SERPINA3: variants seen among roughly 807,000 people sequenced by gnomAD.
SERPINA3 encodes serpin family A member 3.
SERPINA3 carries 32 observed loss-of-function variants against 26.8 expected under a neutral mutation model. The ratio of observed to expected loss-of-function variants is 1.20; its 90% CI spans 0.90 to 1.61. SERPINA3 has a LOEUF of 1.61. Ranked by LOEUF, SERPINA3 falls within the 40% of genes most tolerant of loss-of-function variation. The pLI is 0.00. For missense variants in SERPINA3, 632 were observed against 517.9 expected (o/e 1.22, Z -2.14); for synonymous variants, 252 against 206.4 (o/e 1.22, Z -1.89).
Position 94,619,426 on chromosome 14 carries a change from T to G in SERPINA3, c.875T>G (p.Leu292Arg). The change falls in exon 3 of 5, where the codon CTC becomes CGC. Residue 292 changes from leucine (L) to arginine (R), a missense_variant. Physicochemically the swap from Leu to Arg is moderately radical, Grantham distance 102 (BLOSUM62 -2). Coordinates refer to ENST00000393078, the MANE Select transcript of SERPINA3 (RefSeq NM_001085.5). ...DKMEEVEAML[L>R]PETLKRWRDS... ...ATGGAGGAAGTGGAAGCCATGCTGC[T>G]CCCAGAGACCCTGAAGCGGTGGAGA... 1.2e-6 allele frequency: 2 copies of G among 1,614,116 alleles called. No homozygotes were observed. Among genetic ancestry groups the G allele is most frequent in the Non-Finnish European group, 1.7e-6 (2 of 1,180,026 alleles).
rs1246014674 is a variant in SERPINA3 at position 94,615,075 on chromosome 14, T to G, written c.634T>G (p.Phe212Val). The change falls in exon 2 of 5, where the codon TTC (phenylalanine) becomes GTC (valine). Residue 212 changes from phenylalanine to valine, a missense_variant. Phe to Val is a conservative substitution (Grantham distance 50). Transcript: ENST00000393078. ...QTMMVLVNYIFFKAKWEMPFD... is the reference protein window; with the variant it reads ...QTMMVLVNYIVFKAKWEMPFD... ...AATGATGGTCCTGGTGAATTACATC[T>G]TCTTTAAAGGTGAGTGTGCCTGGCT... The G allele has an allele frequency of 1.9e-6, 3 of 1,613,888 alleles. No individual in the cohort carries two copies. The highest frequency in any genetic ancestry group is 2.5e-6 in the Non-Finnish European group (3 of 1,180,044).
In SERPINA3 at chr14:94,622,490, A is replaced by G. The variant is rs527354355; in HGVS notation, c.1067A>G (p.Gln356Arg). Reference sequence around the variant, plus strand: ...GGGGCCAGGAACCTAGCAGTCTCCCAGGTGAGTCTTTAGACTTGGGTCAAT... The same window carrying G: ...GGGGCCAGGAACCTAGCAGTCTCCCGGGTGAGTCTTTAGACTTGGGTCAAT... ...ITGARNLAVS[Q>R]VVHKAVLDVF... is the part of the protein sequence containing the mutation. Residue 356 changes from glutamine (Q) to arginine (R), a missense_variant and splice_region_variant, in exon 4 of 5, where the codon CAG (glutamine) becomes CGG (arginine). Physicochemically the swap from Gln to Arg is conservative, Grantham distance 43. Coordinates refer to ENST00000393078, the MANE Select transcript of SERPINA3 (RefSeq NM_001085.5). The G allele has an allele frequency of 6.2e-6, 10 of 1,614,082 alleles. No homozygotes were observed. Among genetic ancestry groups the G allele is most frequent in the South Asian group, 1.1e-5 (1 of 91,062 alleles).
At position 94,619,250 on chromosome 14, in the gene SERPINA3, G is replaced by C. The variant is rs370200741; in HGVS notation, c.699G>C (p.Leu233Phe). 146 of 1,613,656 alleles carry C rather than the reference G, an allele frequency of 9.0e-5. No homozygotes were observed. Among genetic ancestry groups the C allele is most frequent in the Non-Finnish European group, 1.2e-4 (141 of 1,179,732 alleles). ...PQDTHQSRFY[L>F]SKKKWVMVPM... is the part of the protein sequence containing the mutation. Reference sequence around the variant, plus strand: ...ATACTCATCAGTCAAGGTTCTACTTGAGCAAGAAAAAGTGGGTAATGGTGC... The same window carrying C: ...ATACTCATCAGTCAAGGTTCTACTTCAGCAAGAAAAAGTGGGTAATGGTGC... The change falls in exon 3 of 5, where the codon TTG becomes TTC. Residue 233 changes from leucine (L) to phenylalanine (F), a missense_variant. By Grantham distance (22) the Leu-to-Phe change is conservative. Transcript: ENST00000393078.
At position 94,622,326 on chromosome 14, in the gene SERPINA3, T is replaced by G. The variant is rs1348606738; in HGVS notation, c.918-15T>G. ...TCAGCAGAGGTTCAGATACTTTTTTTTTCTCGTTTTCTAGAGAGATAGGTG... is the reference window on the plus strand; with the variant it reads ...TCAGCAGAGGTTCAGATACTTTTTTGTTCTCGTTTTCTAGAGAGATAGGTG... On this transcript the variant is annotated splice_polypyrimidine_tract_variant and intron_variant, in intron 3 of 4. Coordinates refer to ENST00000393078, the MANE Select transcript of SERPINA3 (RefSeq NM_001085.5). The G allele has an allele frequency of 6.2e-7, 1 of 1,613,990 alleles. No individual in the cohort carries two copies. Among genetic ancestry groups the G allele is most frequent in the East Asian group, 2.2e-5 (1 of 44,870 alleles).
intron 1 of SERPINA3, among the ~76,000 whole-genome samples, chr14:94,613,148 T>G (rs1185258421): frequency 6.6e-6 from 1 of 151,948 alleles, no homozygotes; most frequent in Non-Finnish European, 1.5e-5. Context: ...CAAAGGCATT[T>G]CCACTGGCCT....
At chr14:94,612,566 C>G (rs945204494) in intron 1 of SERPINA3, 119 bp downstream of exon 1, 4 of 521,070 alleles carry the variant, frequency 7.7e-6, no homozygotes, top group Non-Finnish European at 1.0e-5. Flanking sequence ...AGGAGGTGTA[C>G]TCAGGTGTTA....
At chr14:94,622,647 C>T in intron 4 of SERPINA3, 156 bp downstream of exon 4, 3 of 805,568 alleles carry the variant, frequency 3.7e-6, no homozygotes, top group Non-Finnish European at 4.2e-6. Flanking sequence ...CCAAGAAGAG[C>T]TAGGTTACAG....
At chr14:94,623,491 AC>A (rs966230390) in intron 4 of SERPINA3, 119 bp from the exon 5 acceptor site, 2 of 916,522 alleles carry the variant, frequency 2.2e-6, no homozygotes, top group Non-Finnish European at 3.5e-6. Context: ...ATTCAACAGC[AC>A]AAAGACAGGC....
At chr14:94,622,885 G>A in intron 4 of SERPINA3, 1 of 313,844 alleles carries the variant, frequency 3.2e-6, no homozygotes, top group South Asian at 3.2e-5. Flanking sequence ...TAATAACAAT[G>A]ATTATCTGGC....
chr14:94,620,836 G>A (rs1886174499), intron 3 of SERPINA3, among the ~76,000 whole-genome samples: 1 of 152,176 alleles, frequency 6.6e-6, no homozygotes, highest in Non-Finnish European at 1.5e-5. Context: ...TGGGCCCAGG[G>A]AGTGCATGTG....
At chr14:94,618,949 C>G (rs942766396) in intron 2 of SERPINA3, 1 of 586,318 alleles carries the variant, frequency 1.7e-6, no homozygotes, top group Non-Finnish European at 3.0e-6. Context: ...TCCTTATTCC[C>G]TGGTTCCTAT....
In SERPINA3 at chr14:94,614,724, A is replaced by C. The variant is rs766992484; in HGVS notation, c.283A>C (p.Thr95Pro). Residue 95 changes from threonine (T) to proline (P), a missense_variant, in exon 2 of 5, where the codon ACC becomes CCC. By Grantham distance (38) the Thr-to-Pro change is conservative. Coordinates refer to ENST00000393078, the MANE Select transcript of SERPINA3 (RefSeq NM_001085.5). ...AFLSLGAHNT[T>P]LTEILKGLKF... ...CCTGTCTCTGGGGGCCCATAATACC[A>C]CCCTGACAGAGATTCTCAAAGGCCT... is the stretch of plus-strand genomic sequence containing the variant. 18 of 1,613,678 alleles carry C rather than the reference A, an allele frequency of 1.1e-5. No homozygotes were observed. In the South Asian group the frequency reaches 2.0e-4, roughly 18 times the overall value.
At position 94,619,480 on chromosome 14, in the gene SERPINA3, T is replaced by G. The variant is rs201352999; in HGVS notation, c.917+12T>G. The G allele has an allele frequency of 6.8e-6, 11 of 1,613,868 alleles. No individual in the cohort carries two copies. In the African/African-American group the frequency reaches 8.0e-5, roughly 12 times the overall value. On this transcript the variant is annotated intron_variant, in intron 3 of 4. Coordinates refer to ENST00000393078, the MANE Select transcript of SERPINA3 (RefSeq NM_001085.5). Reference sequence around the variant, plus strand: ...TCTCTGGAGTTCAGGTGATTCTTCCTGGCCCCCAAAGACCCCACATCTCTC... The same window carrying G: ...TCTCTGGAGTTCAGGTGATTCTTCCGGGCCCCCAAAGACCCCACATCTCTC...
Position 94,623,637 on chromosome 14 carries a change from A to G in SERPINA3, c.1095A>G (p.Val365=). Reference sequence around the variant, plus strand: ...TGGTCCATAAGGCTGTGCTTGATGTATTTGAGGAGGGCACAGAAGCATCTG... The same window carrying G: ...TGGTCCATAAGGCTGTGCTTGATGTGTTTGAGGAGGGCACAGAAGCATCTG... ...SQVVHKAVLD[V]FEEGTEASAA... Residue 365 remains valine (V), a synonymous_variant, in exon 5 of 5, where the codon GTA becomes GTG. Coordinates refer to ENST00000393078, the MANE Select transcript of SERPINA3 (RefSeq NM_001085.5). 1 of 1,614,128 alleles carries G rather than the reference A, an allele frequency of 6.2e-7. No individual in the cohort carries two copies. The highest frequency in any genetic ancestry group is 8.5e-7 in the Non-Finnish European group (1 of 1,180,016).
intron 2 of SERPINA3, chr14:94,617,827 T>C (rs1354052689): frequency 2.0e-5 from 3 of 152,140 alleles, no homozygotes; most frequent in Admixed American, 1.3e-4. Context: ...GGCCTAGTAG[T>C]ATGTATTTTA....
At chr14:94,615,605 T>C (rs1226208065) in intron 2 of SERPINA3, 1 of 342,344 alleles carries the variant, frequency 2.9e-6, no homozygotes, top group Non-Finnish European at 5.8e-6. Context: ...GCCTGGCCAC[T>C]TCCAAGATTC....
chr14:94,618,892 C>T (rs1049646293), intron 2 of SERPINA3: 41 of 504,176 alleles, frequency 8.1e-5, no homozygotes, highest in Non-Finnish European at 1.4e-4. Context: ...CACATGTTGT[C>T]ATGCCTCTTT....
At chr14:94,620,075 GA>G in intron 3 of SERPINA3, 1 of 310,764 alleles carries the variant, frequency 3.2e-6, no homozygotes, top group Non-Finnish European at 5.9e-6. Context: ...TAAGGGGATA[GA>G]AATTGAGTAG....
In SERPINA3 at chr14:94,619,278, A is replaced by G. The variant is rs770136097; in HGVS notation, c.727A>G (p.Met243Val). The G allele has an allele frequency of 6.2e-7, 1 of 1,614,192 alleles. No homozygotes were observed. The highest frequency in any genetic ancestry group is 8.5e-7 in the Non-Finnish European group (1 of 1,180,036). The change falls in exon 3 of 5, where the codon ATG becomes GTG. Residue 243 changes from methionine (M) to valine (V), a missense_variant. Transcript: ENST00000393078. ...CAAGAAAAAGTGGGTAATGGTGCCC[A>G]TGATGAGTTTGCATCACCTGACTAT... is the stretch of plus-strand genomic sequence containing the variant. The part of the protein sequence containing the change: ...LSKKKWVMVP[M>V]MSLHHLTIPY...
Sources: gnomAD v4.1 joint callset for allele counts (sites outside exome capture counted in the v4.1 genomes callset) on GRCh38, gnomAD v4.1.1 for gene constraint, MANE v1.5 for transcripts, NCBI Gene and HGNC (gene_info 2026-07-23, HGNC 2026-07-21) for gene names.